ATP11C: variants seen among roughly 807,000 people sequenced by gnomAD.
ATP11C encodes phospholipid-transporting ATPase IG.
In ATP11C, 36 loss-of-function variants were observed where a neutral mutation model predicts 97.4. The ratio of observed to expected loss-of-function variants is 0.37; its 90% confidence interval spans 0.28 to 0.49. The LOEUF is 0.49. Among genes scored for constraint, ATP11C ranks in the 20% least tolerant of loss-of-function variants. ATP11C has a pLI of 0.98. For missense variants in ATP11C, 730 were observed against 824.6 expected (o/e 0.89, Z 1.40); for synonymous variants, 275 against 290.9 (o/e 0.95, Z 0.56).
intron 1 of ATP11C, among the ~76,000 whole-genome samples, chrX:139,880,891 A>T (rs1042291017): frequency 5.3e-5 from 6 of 112,231 alleles, no homozygotes; most frequent in African/African-American, 1.3e-4. Flanking sequence ...TCTACAAGTC[A>T]TAACAAACTG....
At chrX:139,917,886 G>A (rs2085178169) in intron 1 of ATP11C, among the ~76,000 whole-genome samples, 1 of 101,280 alleles carries the variant, frequency 9.9e-6, no homozygotes, top group African/African-American at 3.7e-5. Flanking sequence ...AACCTGGGAA[G>A]CAGAGATTGC....
intron 1 of ATP11C, among the ~76,000 whole-genome samples, chrX:139,872,429 G>A (rs1358395726): frequency 9.0e-6 from 1 of 111,054 alleles, no homozygotes; most frequent in East Asian, 2.8e-4. Flanking sequence ...TGTTACATAT[G>A]TATATATGTG....
chrX:139,774,536 T>C (rs56394371), intron 19 of ATP11C, among the ~76,000 whole-genome samples, 154 bp downstream of exon 19: 6,627 of 111,874 alleles, frequency 0.059, 459 homozygotes, highest in African/African-American at 0.2. Context: ...AGATGGGCCA[T>C]TATTCAAGTC....
chrX:139,900,890 T>C (rs1603414913), intron 1 of ATP11C, among the ~76,000 whole-genome samples: 1 of 111,827 alleles, frequency 8.9e-6, no homozygotes, highest in Non-Finnish European at 1.9e-5. Context: ...GGTAGGGCCT[T>C]TGAGAGGTGA....
chrX:139,928,245 A>G (rs1196156503), intron 1 of ATP11C, among the ~76,000 whole-genome samples: 2 of 112,107 alleles, frequency 1.8e-5, no homozygotes, highest in Non-Finnish European at 3.8e-5. Context: ...TGCTAAACCT[A>G]GACCTCTATG....
At chrX:139,843,563 T>C (rs2083865815) in intron 1 of ATP11C, among the ~76,000 whole-genome samples, 1 of 111,952 alleles carries the variant, frequency 8.9e-6, no homozygotes. Flanking sequence ...AATGGCCTTT[T>C]TTCATAGAGC....
rs1345467098 is a variant in ATP11C at position 139,859,839 on chromosome X, C to T, written c.28-33016G>A. On this transcript the variant is annotated intron_variant, in intron 1 of 29. Coordinates refer to ENST00000682941, the MANE Select transcript of ATP11C (RefSeq NM_001353812.2). ...GTGCTTGGCTGGGCGCGGTGGCTCA[C>T]GCCTGTAATCCCAGCACTTTGGGAG... Among the ~76,000 whole-genome samples the T allele has an allele frequency of 6.1e-5, 5 of 82,449 alleles. 1 individual carries two copies. The highest frequency in any genetic ancestry group is 2.8e-4 in the Admixed American group (2 of 7,031). 71.6% of individuals were successfully genotyped at this position (82,449 alleles called of 115,157 possible).
intron 23 of ATP11C, among the ~76,000 whole-genome samples, chrX:139,750,423 T>C (rs1384761928): frequency 1.8e-5 from 2 of 111,782 alleles, no homozygotes; most frequent in Non-Finnish European, 3.8e-5. Flanking sequence ...CTAATAGACA[T>C]GAACAACTTT....
chrX:139,884,325 T>G (rs1430233053), intron 1 of ATP11C, among the ~76,000 whole-genome samples: 2 of 111,488 alleles, frequency 1.8e-5, no homozygotes, highest in African/African-American at 6.5e-5. Context: ...TTGTGTCACT[T>G]AGAGAAGACA....
chrX:139,854,798 A>T (rs911421411), intron 1 of ATP11C, among the ~76,000 whole-genome samples: 7 of 112,180 alleles, frequency 6.2e-5, no homozygotes, highest in African/African-American at 2.3e-4. Context: ...TTAAAAGGTT[A>T]AAAAAATTTG....
intron 26 of ATP11C, among the ~76,000 whole-genome samples, chrX:139,742,879 ATAT>A (rs1569426230): frequency 3.3e-3 from 25 of 7,649 alleles, no homozygotes; most frequent in African/African-American, 6.3e-3. Context: ...AAAAAAAAAT[ATAT>A]ATATATATAT....
chrX:139,751,765 T>C (rs1181737267), intron 23 of ATP11C, among the ~76,000 whole-genome samples: 1 of 108,538 alleles, frequency 9.2e-6, no homozygotes, highest in Non-Finnish European at 1.9e-5. Flanking sequence ...ATGAAACCTG[T>C]TACAATGTTT....
In ATP11C at chrX:139,733,367, T is replaced by G. The variant is rs140820774; in HGVS notation, c.3289-1612A>C. 3.0e-4 allele frequency among the ~76,000 whole-genome samples: 34 copies of G among 112,298 alleles called. No homozygotes were observed. The East Asian group carries it at 9.1e-3, about 30-fold the overall frequency. On this transcript the variant is annotated intron_variant, in intron 28 of 29. Transcript: ENST00000682941. ...TGAGTGGTCAACAATGTGGATGACTTGAACAACTCTGCTAATAAAGATTAC... is the reference window on the plus strand; with the variant it reads ...TGAGTGGTCAACAATGTGGATGACTGGAACAACTCTGCTAATAAAGATTAC...
At chrX:139,735,822 C>T (rs1438419287) in intron 28 of ATP11C, among the ~76,000 whole-genome samples, 1 of 110,607 alleles carries the variant, frequency 9.0e-6, no homozygotes, top group African/African-American at 3.3e-5. Context: ...CATTTTGCCT[C>T]ATTTGCGACT....
Position 139,757,770 on chromosome X carries a change from T to C in ATP11C, c.2700+38A>G, listed in dbSNP as rs771034148. 7 of 1,007,432 alleles carry C rather than the reference T, an allele frequency of 6.9e-6. No homozygotes were observed. The East Asian group carries it at 2.2e-4, about 31-fold the overall frequency. The allele number at this position is 1,007,432 out of a possible 1,213,427, so 83.0% of individuals were successfully genotyped here. A position where few individuals can be genotyped will look rare whatever the true frequency, so the allele number is the denominator to read the frequency against. Reference sequence around the variant, plus strand: ...ATAAGGGTAATTTATTAACAGCAAATGTAAACTATATTATAACGAATAACT... The same window carrying C: ...ATAAGGGTAATTTATTAACAGCAAACGTAAACTATATTATAACGAATAACT... On this transcript the variant is annotated intron_variant, in intron 23 of 29. Transcript: ENST00000682941.
At chrX:139,752,779 T>A (rs1399699377) in intron 23 of ATP11C, among the ~76,000 whole-genome samples, 1 of 111,976 alleles carries the variant, frequency 8.9e-6, no homozygotes, top group Non-Finnish European at 1.9e-5. Context: ...AAAAACAGAT[T>A]GATCAGAACT....
intron 1 of ATP11C, among the ~76,000 whole-genome samples, chrX:139,857,037 T>C (rs2084101229): frequency 8.9e-6 from 1 of 112,036 alleles, no homozygotes; most frequent in East Asian, 2.8e-4. Context: ...AAATGACCTC[T>C]TTACAGGATG....
chrX:139,836,584 T>A (rs1399070138), intron 1 of ATP11C, among the ~76,000 whole-genome samples: 1 of 111,477 alleles, frequency 9.0e-6, no homozygotes, highest in Non-Finnish European at 1.9e-5. Flanking sequence ...TAAAACCTCA[T>A]GAAAAGTCAC....
chrX:139,755,092 T>C lies in ATP11C; in HGVS notation c.2700+2716A>G, dbSNP rs530980403. Among the ~76,000 whole-genome samples the C allele has an allele frequency of 4.5e-5, 5 of 112,188 alleles. No homozygotes were observed. The South Asian group carries it at 1.8e-3, about 41-fold the overall frequency. On this transcript the variant is annotated intron_variant, in intron 23 of 29. Coordinates refer to ENST00000682941, the MANE Select transcript of ATP11C (RefSeq NM_001353812.2). ...ATGATTCTATATCTAGAAAACCTCA[T>C]AGTCTTGCCCCAAAAGCTCCTTGAC...
Sources: gnomAD v4.1 joint callset for allele counts (sites outside exome capture counted in the v4.1 genomes callset) on GRCh38, gnomAD v4.1.1 for gene constraint, MANE v1.5 for transcripts, NCBI Gene and HGNC (gene_info 2026-07-23, HGNC 2026-07-21) for gene names.